Variants in SCAP observed in about 807,000 individuals in gnomAD.
SCAP encodes the protein sterol regulatory element-binding protein cleavage-activating protein.
In SCAP, 65 loss-of-function variants were observed where a neutral mutation model predicts 123.6. That is an observed-to-expected ratio of 0.53 (90% confidence interval 0.43 to 0.65). The LOEUF (loss-of-function observed/expected upper bound fraction) is 0.65. Among genes scored for constraint, SCAP ranks in the 30% least tolerant of loss-of-function variants. The pLI is 0.00. For synonymous variants in SCAP, 740 were observed against 726.3 expected (o/e 1.02, Z -0.30); for missense variants, 1,398 against 1,712.5 (o/e 0.82, Z 3.24).
chr3:47,434,908 A>G, intron 3 of SCAP, 100 bp downstream of exon 3: 2 of 1,469,376 alleles, frequency 1.4e-6, no homozygotes, highest in Non-Finnish European at 1.9e-6. Context: ...GAATTCACAA[A>G]TCAGAAGCTG....
At chr3:47,435,540 A>G (rs1401442043) in intron 2 of SCAP, among the ~76,000 whole-genome samples, 1 of 150,440 alleles carries the variant, frequency 6.6e-6, no homozygotes, top group African/African-American at 2.5e-5. Context: ...GCCTGCCACT[A>G]CATCCAGGTA....
Position 47,418,121 on chromosome 3 carries a change from C to T in SCAP, c.2447+13G>A. The T allele has an allele frequency of 6.5e-7, 1 of 1,540,362 alleles. No individual in the cohort carries two copies. Among genetic ancestry groups the T allele is most frequent in the Non-Finnish European group, 8.8e-7 (1 of 1,139,488 alleles). On this transcript the variant is annotated intron_variant, in intron 16 of 22. Transcript: ENST00000265565. ...TGTGGGGGCACAAAGGAGGAAAGGG[C>T]AGCCGCACCTACCCTGGGCGCGGAA...
At chr3:47,442,735 A>T in intron 2 of SCAP, 137 bp downstream of exon 2, 1 of 720,726 alleles carries the variant, frequency 1.4e-6, no homozygotes, top group Non-Finnish European at 2.3e-6. Flanking sequence ...AGAGTTCTCC[A>T]CTCACAGTTA....
chr3:47,421,188 CCAG>C, intron 10 of SCAP, 159 bp from the exon 11 acceptor site: 1 of 647,824 alleles, frequency 1.5e-6, no homozygotes, highest in Non-Finnish European at 2.8e-6. Flanking sequence ...AGCTCACATA[CCAG>C]CAGCAGCTCA....
intron 3 of SCAP, among the ~76,000 whole-genome samples, chr3:47,433,325 C>CT (rs1376944008): frequency 1.3e-5 from 2 of 152,166 alleles, no homozygotes; most frequent in Non-Finnish European, 2.9e-5. Context: ...GGCCCATCTC[C>CT]TTCTCAATCC....
At chr3:47,468,733 A>G (rs943994397) in intron 1 of SCAP, among the ~76,000 whole-genome samples, 4 of 152,018 alleles carry the variant, frequency 2.6e-5, no homozygotes, top group African/African-American at 7.3e-5. Flanking sequence ...ATTAGATCCC[A>G]TTTGTCAATT....
intron 1 of SCAP, among the ~76,000 whole-genome samples, chr3:47,465,813 T>C (rs920133138): frequency 4.3e-5 from 6 of 140,202 alleles, no homozygotes; most frequent in African/African-American, 1.5e-4. Flanking sequence ...GAACGTGGGA[T>C]TTCTTTCCAT....
intron 9 of SCAP, among the ~76,000 whole-genome samples, chr3:47,423,080 C>G (rs1284810235): frequency 6.6e-6 from 1 of 152,218 alleles, no homozygotes; most frequent in African/African-American, 2.4e-5. Flanking sequence ...CCATCTCTTC[C>G]TAACTCCATA....
chr3:47,430,054 T>C (rs1263486451), intron 3 of SCAP, among the ~76,000 whole-genome samples: 5 of 152,134 alleles, frequency 3.3e-5, no homozygotes, highest in Admixed American at 6.5e-5. Context: ...ATAACGACAT[T>C]CACCCTGCAG....
intron 1 of SCAP, among the ~76,000 whole-genome samples, chr3:47,467,940 A>C (rs1243407077): frequency 6.8e-6 from 1 of 147,302 alleles, no homozygotes; most frequent in Non-Finnish European, 1.5e-5. Context: ...TCATTGTTCA[A>C]TTCCCACCTA....
chr3:47,440,137 G>T (rs1273480999), intron 2 of SCAP, among the ~76,000 whole-genome samples: 1 of 152,192 alleles, frequency 6.6e-6, no homozygotes, highest in African/African-American at 2.4e-5. Flanking sequence ...ATTAAGTGCA[G>T]CAGTCCTTTG....
At chr3:47,461,208 T>C (rs563789959) in intron 1 of SCAP, among the ~76,000 whole-genome samples, 1 of 152,238 alleles carries the variant, frequency 6.6e-6, no homozygotes, top group Non-Finnish European at 1.5e-5. Context: ...TATGGGTTCT[T>C]GTCAAGTCAC....
At chr3:47,431,817 T>A (rs1051263501) in intron 3 of SCAP, among the ~76,000 whole-genome samples, 2 of 152,218 alleles carry the variant, frequency 1.3e-5, no homozygotes, top group Admixed American at 6.5e-5. Flanking sequence ...TTTCCCACAG[T>A]CACACTGTCC....
chr3:47,421,751 C>G (rs991630479), intron 10 of SCAP, among the ~76,000 whole-genome samples: 9 of 152,276 alleles, frequency 5.9e-5, no homozygotes, highest in Non-Finnish European at 1.3e-4. Context: ...TCTCTGCTCA[C>G]CCCCATCCCT....
chr3:47,425,996 C>G lies in SCAP; in HGVS notation c.910+1G>C. ...CCTCAGCCTCCCTGCCATGAACCTA[C>G]GCGTGGAGAAGTAGATGTAGGCAAA... is the stretch of plus-strand genomic sequence containing the variant. On this transcript the variant is annotated splice_donor_variant, in intron 7 of 22. Transcript: ENST00000265565. LOFTEE classifies it high-confidence loss of function. 6.2e-7 allele frequency: 1 copy of G among 1,614,038 alleles called. No homozygotes were observed. The highest frequency in any genetic ancestry group is 8.5e-7 in the Non-Finnish European group (1 of 1,179,982).
chr3:47,455,928 T>C (rs923175786), intron 1 of SCAP, among the ~76,000 whole-genome samples: 6 of 152,158 alleles, frequency 3.9e-5, no homozygotes, highest in African/African-American at 1.4e-4. Flanking sequence ...AACACATAAA[T>C]ACACAGATTA....
At chr3:47,435,469 TACACACACACACACACACACAC>T (rs57702290) in intron 2 of SCAP, among the ~76,000 whole-genome samples, 1 of 91,910 alleles carries the variant, frequency 1.1e-5, no homozygotes, top group Non-Finnish European at 2.6e-5. Context: ...AATATAAACA[TACACACACACACACACACACAC>T]ACACACACAC....
chr3:47,417,716 G>A lies in SCAP; in HGVS notation c.2558C>T (p.Pro853Leu), dbSNP rs771903635. Residue 853 changes from proline to leucine, a missense_variant, in exon 17 of 23, where the codon CCC becomes CTC. By Grantham distance (98) the Pro-to-Leu change is moderately conservative. Around this residue, in one of 7 missense-constraint regions of SCAP, gnomAD observed 828 missense variants for 882.5 expected, o/e 0.94. Coordinates refer to ENST00000265565, the MANE Select transcript of SCAP (RefSeq NM_012235.4). ...AGGGCCCCGGGGGCGGTGTCTCAGG[G>A]GAGGGCTGTCCCCAGGCTCCTCTGG... Reference protein sequence around the residue: ...AGPEEPGDSPPLRHRPRGPPP... With the variant: ...AGPEEPGDSPLLRHRPRGPPP... 5.1e-5 allele frequency: 82 copies of A among 1,608,578 alleles called. 1 individual carries two copies. The South Asian group carries it at 6.6e-4, about 13-fold the overall frequency.
rs878875154 is a variant in SCAP at position 47,413,760 on chromosome 3, G to A, written c.*94C>T. 3 of 1,483,726 alleles carry A rather than the reference G, an allele frequency of 2.0e-6. No homozygotes were observed. Among genetic ancestry groups the A allele is most frequent in the East Asian group, 2.3e-5 (1 of 43,804 alleles). The allele number at this position is 1,483,726 out of a possible 1,614,324, so 91.9% of individuals were successfully genotyped here. ...TTATTACAGTCAGGAGGCAGCGGCT[G>A]GAAGATACTCGGCTCTTTCCCCCAA... On this transcript the variant is annotated 3_prime_UTR_variant, in exon 23 of 23. Transcript: ENST00000265565.
Sources: gnomAD v4.1 joint callset for allele counts (sites outside exome capture counted in the v4.1 genomes callset) on GRCh38, gnomAD v4.1.1 for gene constraint, gnomAD v4.1.1 regional missense constraint, MANE v1.5 for transcripts, NCBI Gene and HGNC (gene_info 2026-07-23, HGNC 2026-07-21) for gene names.